The following ERICH1 variants were observed in gnomAD, a reference collection of about 807,000 sequenced individuals.
ERICH1 encodes the protein glutamate rich 1.
ERICH1 carries 56 observed loss-of-function variants against 39.6 expected under a neutral mutation model. That is an observed-to-expected ratio of 1.41 (90% CI 1.14 to 1.77). ERICH1 has a LOEUF of 1.77. Among genes scored for constraint, ERICH1 ranks in the 40% most tolerant of loss-of-function variants. The probability of loss-of-function intolerance (pLI) is 0.00; values close to 1 mark genes in which losing one functional copy is unlikely to be tolerated. For missense variants in ERICH1, 826 were observed against 575.4 expected, an observed-to-expected ratio of 1.44 and a Z score of -4.45; for synonymous variants, 313 against 223.6, an observed-to-expected ratio of 1.40 and a Z score of -3.57.
chr8:666,085 A>G (rs961937267), intron 5 of ERICH1: 6 of 152,364 alleles, frequency 3.9e-5, no homozygotes, highest in African/African-American at 1.4e-4. Flanking sequence ...CCTTTCTTAG[A>G]GAAAACAGGT....
In ERICH1 at chr8:643,185, T is replaced by C. The variant is rs547387912; in HGVS notation, c.976+25413A>G. Among the ~76,000 whole-genome samples the C allele has an allele frequency of 8.5e-5, 13 of 152,354 alleles. No individual in the cohort carries two copies. In the South Asian group the frequency reaches 1.7e-3, roughly 19 times the overall value. On this transcript the variant is annotated intron_variant, in intron 3 of 3. Coordinates refer to the ERICH1 transcript ENST00000522706. ...ACTGCTTCACACCTGGTGCCCACATTCTGCCTCTCGTTAAACATTGCATGC... is the reference window on the plus strand; with the variant it reads ...ACTGCTTCACACCTGGTGCCCACATCCTGCCTCTCGTTAAACATTGCATGC...
At chr8:726,306 ACG>A (rs1818634222) in intron 1 of ERICH1, among the ~76,000 whole-genome samples, 1 of 152,174 alleles carries the variant, frequency 6.6e-6, no homozygotes, top group East Asian at 1.9e-4. Flanking sequence ...ATGTACAAAC[ACG>A]CCACACGCAG....
At chr8:703,371 A>C (rs1812581301) in intron 2 of ERICH1, among the ~76,000 whole-genome samples, 1 of 152,166 alleles carries the variant, frequency 6.6e-6, no homozygotes, top group African/African-American at 2.4e-5. Context: ...GAAAGTGAAA[A>C]GTAGACGGGA....
intron 3 of ERICH1, among the ~76,000 whole-genome samples, chr8:654,615 A>G (rs1800381235): frequency 6.6e-6 from 1 of 152,234 alleles, no homozygotes; most frequent in African/African-American, 2.4e-5. Context: ...AACTATGTAA[A>G]GACACACACT....
At chr8:707,452 T>C (rs1024657154) in intron 2 of ERICH1, among the ~76,000 whole-genome samples, 23 of 151,960 alleles carry the variant, frequency 1.5e-4, no homozygotes, top group African/African-American at 4.8e-4. Flanking sequence ...AAGTGATCCA[T>C]CCACCTCAGC....
At chr8:674,655 T>TG (rs538496195) in intron 3 of ERICH1, among the ~76,000 whole-genome samples, 10 of 152,132 alleles carry the variant, frequency 6.6e-5, no homozygotes, top group Non-Finnish European at 8.8e-5. Flanking sequence ...TTTCCCTCTA[T>TG]GGGGGGGAAA....
intron 3 of ERICH1, among the ~76,000 whole-genome samples, chr8:681,381 T>C (rs1389679113): frequency 5.3e-5 from 8 of 152,248 alleles, no homozygotes. Flanking sequence ...CGTGCCTGCA[T>C]TTGTGGTGAG....
chr8:686,372 G>A (rs943788547), intron 3 of ERICH1, among the ~76,000 whole-genome samples: 1 of 151,974 alleles, frequency 6.6e-6, no homozygotes, highest in Non-Finnish European at 1.5e-5. Flanking sequence ...CTTGGAAATC[G>A]AGTAACTATG....
chr8:640,222 G>T (rs922880900), intron 3 of ERICH1, among the ~76,000 whole-genome samples: 3 of 152,180 alleles, frequency 2.0e-5, no homozygotes, highest in Admixed American at 2.0e-4. Flanking sequence ...TCATGAAAAG[G>T]CAGCAGATGC....
rs200450936 is a variant in ERICH1, at chr8:664,606, G to C, written c.1329C>G (p.Asp443Glu). 6.2e-7 allele frequency: 1 copy of C among 1,607,894 alleles called. No homozygotes were observed. The highest frequency in any genetic ancestry group is 8.5e-7 in the Non-Finnish European group (1 of 1,177,782). Reference protein sequence around the residue: ...ITHILPEKSSD With the variant: ...ITHILPEKSSE ...GTTCTTAAAGAGATATTCCATTTTA[G>C]TCACTGCTCTTCTCAGGAAGGATAT... The change falls in exon 6 of 6, where the codon GAC (aspartate) becomes GAG (glutamate). Residue 443 changes from aspartate to glutamate, a missense_variant. Coordinates refer to ENST00000262109, the MANE Select transcript of ERICH1 (RefSeq NM_207332.3).
chr8:677,512 T>C (rs1261184000), intron 3 of ERICH1, among the ~76,000 whole-genome samples: 5 of 152,198 alleles, frequency 3.3e-5, no homozygotes, highest in Admixed American at 3.3e-4. Flanking sequence ...AGTGGGTGTT[T>C]GAATAATTTC....
chr8:707,122 G>C (rs940129901), intron 2 of ERICH1, among the ~76,000 whole-genome samples: 5 of 151,198 alleles, frequency 3.3e-5, no homozygotes, highest in African/African-American at 9.7e-5. Flanking sequence ...GGATGGTACA[G>C]ACATGGGATG....
chr8:673,216 C>T, intron 4 of ERICH1, 73 bp downstream of exon 4: 1 of 1,460,890 alleles, frequency 6.8e-7, no homozygotes, highest in Admixed American at 2.3e-5. Flanking sequence ...AACATTTAAG[C>T]ATTATATTTG....
chr8:654,494 T>C (rs1800364955), intron 3 of ERICH1, among the ~76,000 whole-genome samples: 1 of 152,148 alleles, frequency 6.6e-6, no homozygotes, highest in African/African-American at 2.4e-5. Context: ...TTTGTGAGAA[T>C]TCAAGGAGCT....
chr8:699,343 T>A (rs1811130235), intron 2 of ERICH1, among the ~76,000 whole-genome samples: 1 of 152,182 alleles, frequency 6.6e-6, no homozygotes, highest in South Asian at 2.1e-4. Flanking sequence ...CACCCCCGAT[T>A]GCTGTCCCAG....
rs143989372 is a variant in ERICH1 at position 699,640 on chromosome 8, C to T, written c.170-7028G>A. Reference sequence around the variant, plus strand: ...CTCCAGCATCCAAGATCTCAACACGCGCGTGAAAGCACACACAGGAGCACG... The same window carrying T: ...CTCCAGCATCCAAGATCTCAACACGTGCGTGAAAGCACACACAGGAGCACG... On this transcript the variant is annotated intron_variant, in intron 2 of 5. Coordinates refer to ENST00000262109, the MANE Select transcript of ERICH1 (RefSeq NM_207332.3). Among the ~76,000 whole-genome samples the T allele has an allele frequency of 3.3e-5, 5 of 152,308 alleles. No individual in the cohort carries two copies. The East Asian group carries it at 7.7e-4, about 24-fold the overall frequency.
chr8:683,684 A>G (rs11137016), intron 3 of ERICH1, among the ~76,000 whole-genome samples: 32,242 of 152,122 alleles, frequency 0.21, 3,608 homozygotes, highest in Middle Eastern at 0.35. Flanking sequence ...TCAACGTTAT[A>G]AAAAACTGAG....
At chr8:626,596 C>T (rs753384345) in intron 3 of ERICH1, 13 of 156,766 alleles carry the variant, frequency 8.3e-5, no homozygotes, top group African/African-American at 1.2e-4. Context: ...AGAAGTGATG[C>T]TCTGCCGGGG....
At chr8:711,328 T>G (rs1814677530) in intron 2 of ERICH1, among the ~76,000 whole-genome samples, 1 of 152,164 alleles carries the variant, frequency 6.6e-6, no homozygotes, top group Non-Finnish European at 1.5e-5. Flanking sequence ...GATTTTAATT[T>G]TAATGATGTC....
Sources: allele counts gnomAD v4.1 joint callset (sites outside exome capture counted in the v4.1 genomes callset), GRCh38; gene constraint gnomAD v4.1.1; transcripts MANE v1.5; gene names NCBI Gene and HGNC (gene_info 2026-07-23, HGNC 2026-07-21).